The following IL15RA variants were observed in gnomAD, a reference collection of about 807,000 sequenced individuals.
The protein encoded by IL15RA is interleukin 15 receptor subunit alpha, also known as interleukin-15 receptor subunit alpha.
Under a neutral mutation model 24.2 loss-of-function variants are expected in IL15RA, and 26 were observed. The ratio of observed to expected loss-of-function variants is 1.07; its 90% confidence interval spans 0.79 to 1.49. The LOEUF (loss-of-function observed/expected upper bound fraction) is 1.49, where lower values mean the gene tolerates loss of function less well. Among genes scored for constraint, IL15RA ranks in the 40% most tolerant of loss-of-function variants. The pLI is 0.00. For synonymous variants in IL15RA, 166 were observed against 157.6 expected (o/e 1.05, Z -0.40); for missense variants, 354 against 356.4 (o/e 0.99, Z 0.05).
chr10:5,974,336 A>G (rs1838076812), intron 1 of IL15RA, among the ~76,000 whole-genome samples: 1 of 152,184 alleles, frequency 6.6e-6, no homozygotes, highest in South Asian at 2.1e-4. Context: ...AAAAAAATAT[A>G]AACAGATACT....
chr10:5,956,353 C>G (rs1834517167), intron 6 of IL15RA, 26 bp downstream of exon 6: 1 of 1,576,758 alleles, frequency 6.3e-7, no homozygotes, highest in East Asian at 2.2e-5. Context: ...CTAACTCTTG[C>G]AGAGGGAGTA....
chr10:5,966,021 C>T lies in IL15RA; in HGVS notation c.283+124G>A. 3.2e-6 allele frequency: 2 copies of T among 631,876 alleles called. No homozygotes were observed. The highest frequency in any genetic ancestry group is 2.8e-5 in the East Asian group (1 of 35,740). 39.1% of individuals were successfully genotyped at this position (631,876 alleles called of 1,614,324 possible). On this transcript the variant is annotated intron_variant, in intron 2 of 6. Transcript: ENST00000379977. This position sits in a 1 kb window ranked among gnomAD's most constrained non-coding sequence, Gnocchi z 6.4. ...CAGGTGTGAGCCACCGTGCCCGGCC[C>T]CCACTGGTGTGTTTAGCCTCAGACC...
intron 1 of IL15RA, among the ~76,000 whole-genome samples, chr10:5,972,446 G>A (rs545268150): frequency 4.6e-5 from 7 of 152,290 alleles, no homozygotes; most frequent in African/African-American, 1.7e-4. Context: ...AAGTGTTTGT[G>A]AGTTGGACAA....
Position 5,971,876 on chromosome 10 carries a change from G to A in IL15RA, c.88+5529C>T, listed in dbSNP as rs945435358. Among the ~76,000 whole-genome samples the A allele has an allele frequency of 6.6e-6, 1 of 152,194 alleles. No individual in the cohort carries two copies. Among genetic ancestry groups the A allele is most frequent in the African/African-American group, 2.4e-5 (1 of 41,446 alleles). On this transcript the variant is annotated intron_variant, in intron 1 of 6. Coordinates refer to ENST00000379977, the MANE Select transcript of IL15RA (RefSeq NM_002189.4). This position sits in a 1 kb window ranked among gnomAD's most constrained non-coding sequence, Gnocchi z 5.5. ...GAGCTTCCTGACCCACCTCTTGTGT[G>A]CCAGGTGAATTTCTCCATAACTCGA...
chr10:5,959,858 T>C lies in IL15RA; in HGVS notation c.584-72A>G. ...TAGTTCCTCATGAAGCAGGAGAAAA[T>C]CTGCATGGCTTGGCTCCCATCTTAG... On this transcript the variant is annotated intron_variant, in intron 4 of 6. Transcript: ENST00000379977. The surrounding 1 kb of genome is among the most constrained non-coding windows in gnomAD (Gnocchi z 4.1). 2.0e-6 allele frequency: 3 copies of C among 1,463,658 alleles called. No individual in the cohort carries two copies. Among genetic ancestry groups the C allele is most frequent in the Non-Finnish European group, 2.9e-6 (3 of 1,048,160 alleles). 90.7% of individuals were successfully genotyped at this position (1,463,658 alleles called of 1,614,324 possible). A position where few individuals can be genotyped will look rare whatever the true frequency, so the allele number is the denominator to read the frequency against.
chr10:5,959,671 GC>G lies in IL15RA; in HGVS notation c.616+82del. ...CTGCTGTCAGGGCTGTGCTGGGGCA[GC>G]GGGCCTGGGCCAGGACCACCCAGCA... is the stretch of plus-strand genomic sequence containing the variant. On this transcript the variant is annotated intron_variant, in intron 5 of 6. Transcript: ENST00000379977. The surrounding 1 kb of genome is among the most constrained non-coding windows in gnomAD (Gnocchi z 4.1). 4.9e-6 allele frequency: 6 copies of G among 1,226,386 alleles called. No homozygotes were observed. Among genetic ancestry groups the G allele is most frequent in the Non-Finnish European group, 7.2e-6 (6 of 831,096 alleles). The allele number at this position is 1,226,386 out of a possible 1,614,324, so 76.0% of individuals were successfully genotyped here.
At position 5,970,427 on chromosome 10, in the gene IL15RA, T is replaced by C. The variant is rs8177775; in HGVS notation, c.89-4088A>G. The stretch of plus-strand genomic sequence containing the variant: ...AGGATTTTAAAAGGCATTTGCACTA[T>C]ATTATTTATCATTTCTGGGTGTTTT... On this transcript the variant is annotated intron_variant, in intron 1 of 6. Coordinates refer to ENST00000379977, the MANE Select transcript of IL15RA (RefSeq NM_002189.4). This position sits in a 1 kb window ranked among gnomAD's most constrained non-coding sequence, Gnocchi z 4.1. Among the ~76,000 whole-genome samples the C allele has an allele frequency of 0.038, 5,780 of 152,346 alleles. 117 individuals carry two copies. The highest frequency in any genetic ancestry group is 0.061 in the Middle Eastern group (18 of 294).
chr10:5,967,163 C>T lies in IL15RA; in HGVS notation c.89-824G>A, dbSNP rs7910212. 0.79 allele frequency among the ~76,000 whole-genome samples: 120,188 copies of T among 151,822 alleles called. 48,215 individuals carry two copies. Among genetic ancestry groups the T allele is most frequent in the Middle Eastern group, 0.9 (264 of 294 alleles). ...GTTAGCTTGGCAGTACTTGCAAGAT[C>T]GGGCCTTGCCTTGTCTTGCCTTGCC... On this transcript the variant is annotated intron_variant, in intron 1 of 6. Transcript: ENST00000379977. This position sits in a 1 kb window ranked among gnomAD's most constrained non-coding sequence, Gnocchi z 4.4.
rs945635106 is a variant in IL15RA, at chr10:5,965,930, G to A, written c.283+215C>T. Reference sequence around the variant, plus strand: ...GAAACGGGGTTTCACCATGTTGGCCGGGCTGATCTGGAACTCCTGACTTCA... The same window carrying A: ...GAAACGGGGTTTCACCATGTTGGCCAGGCTGATCTGGAACTCCTGACTTCA... On this transcript the variant is annotated intron_variant, in intron 2 of 6. Transcript: ENST00000379977. This position sits in a 1 kb window ranked among gnomAD's most constrained non-coding sequence, Gnocchi z 5.8. Among the ~76,000 whole-genome samples, 9 of 151,972 alleles carry A rather than the reference G, an allele frequency of 5.9e-5. No homozygotes were observed. Among genetic ancestry groups the A allele is most frequent in the Admixed American group, 3.9e-4 (6 of 15,234 alleles).
In IL15RA at chr10:5,968,624, G is replaced by A. The variant is rs1837022763; in HGVS notation, c.89-2285C>T. Reference sequence around the variant, plus strand: ...GAGCCCCACTGGCTTTGAGGCCTCTGGTGCTATCTGGTGCTGGAGTGTCAG... The same window carrying A: ...GAGCCCCACTGGCTTTGAGGCCTCTAGTGCTATCTGGTGCTGGAGTGTCAG... On this transcript the variant is annotated intron_variant, in intron 1 of 6. Coordinates refer to ENST00000379977, the MANE Select transcript of IL15RA (RefSeq NM_002189.4). This position sits in a 1 kb window ranked among gnomAD's most constrained non-coding sequence, Gnocchi z 5.4. 2 of 605,924 alleles carry A rather than the reference G, an allele frequency of 3.3e-6. No individual in the cohort carries two copies. The highest frequency in any genetic ancestry group is 3.0e-6 in the Non-Finnish European group (1 of 338,250). 37.5% of individuals were successfully genotyped at this position (605,924 alleles called of 1,614,324 possible). A position where few individuals can be genotyped will look rare whatever the true frequency, so the allele number is the denominator to read the frequency against.
chr10:5,968,361 G>A lies in IL15RA; in HGVS notation c.89-2022C>T, dbSNP rs559187697. Among the ~76,000 whole-genome samples, 1 of 152,134 alleles carries A rather than the reference G, an allele frequency of 6.6e-6. No individual in the cohort carries two copies. The highest frequency in any genetic ancestry group is 1.9e-4 in the East Asian group (1 of 5,162). On this transcript the variant is annotated intron_variant, in intron 1 of 6. Coordinates refer to ENST00000379977, the MANE Select transcript of IL15RA (RefSeq NM_002189.4). The surrounding 1 kb of genome is among the most constrained non-coding windows in gnomAD (Gnocchi z 5.4). ...AGGCTGGGGGCAGGGTGGGAGGGGA[G>A]AAATCTCAAATTCAAGATTGTTCTT... is the stretch of plus-strand genomic sequence containing the variant.
In IL15RA at chr10:5,975,355, T is replaced by C. The variant is rs1188875751; in HGVS notation, c.88+2050A>G. ...ACAAGAAAGAGTTCCTACCGTGTAA[T>C]TCTATTTATAAAAAATTTTAGAAAG... On this transcript the variant is annotated intron_variant, in intron 1 of 6. Transcript: ENST00000379977. The surrounding 1 kb of genome is among the most constrained non-coding windows in gnomAD (Gnocchi z 4.8). Among the ~76,000 whole-genome samples, 2 of 152,160 alleles carry C rather than the reference T, an allele frequency of 1.3e-5. No homozygotes were observed. The highest frequency in any genetic ancestry group is 2.9e-5 in the Non-Finnish European group (2 of 68,046).
rs41294185 is a variant in IL15RA, at chr10:5,968,235, C to T, written c.89-1896G>A. 4.6e-5 allele frequency among the ~76,000 whole-genome samples: 7 copies of T among 151,968 alleles called. No individual in the cohort carries two copies. Among genetic ancestry groups the T allele is most frequent in the African/African-American group, 7.2e-5 (3 of 41,490 alleles). ...CACAGTGGGTGAGTCACAAGAGAGC[C>T]ATCACCTAAGTCCACACAAAAACAT... On this transcript the variant is annotated intron_variant, in intron 1 of 6. Transcript: ENST00000379977. The surrounding 1 kb of genome is among the most constrained non-coding windows in gnomAD (Gnocchi z 5.4).
In IL15RA at chr10:5,968,580, G is replaced by A. The variant is rs910699680; in HGVS notation, c.89-2241C>T. The A allele has an allele frequency of 1.0e-5, 6 of 580,666 alleles. No individual in the cohort carries two copies. The African/African-American group carries it at 1.1e-4, about 11-fold the overall frequency. The allele number at this position is 580,666 out of a possible 1,614,324, so 36.0% of individuals were successfully genotyped here. On this transcript the variant is annotated intron_variant, in intron 1 of 6. Transcript: ENST00000379977. The surrounding 1 kb of genome is among the most constrained non-coding windows in gnomAD (Gnocchi z 5.4). ...TGTTGAGGTGGATTTGGATGCTGCT[G>A]TTGCTATGGTTACCTGCAGAGCCCC... is the stretch of plus-strand genomic sequence containing the variant.
rs1230936473 is a variant in IL15RA, at chr10:5,963,209, C to T, written c.382+534G>A. ...GCAGAGAGCAGGTGTGATTACTGCC[C>T]ATGACAAAACGCTTGGGTCTCGGAA... On this transcript the variant is annotated intron_variant, in intron 3 of 6. Coordinates refer to ENST00000379977, the MANE Select transcript of IL15RA (RefSeq NM_002189.4). The surrounding 1 kb of genome is among the most constrained non-coding windows in gnomAD (Gnocchi z 5.3). 2.0e-5 allele frequency among the ~76,000 whole-genome samples: 3 copies of T among 152,224 alleles called. No individual in the cohort carries two copies. Among genetic ancestry groups the T allele is most frequent in the Non-Finnish European group, 4.4e-5 (3 of 68,044 alleles).
chr10:5,968,914 G>C lies in IL15RA; in HGVS notation c.89-2575C>G. The C allele has an allele frequency of 6.6e-7, 1 of 1,508,284 alleles. No homozygotes were observed. 93.4% of individuals were successfully genotyped at this position (1,508,284 alleles called of 1,614,324 possible). ...CTGCTCCTTCCCGCCAGGACAGCCA[G>C]CCTGTCTCTTGCATCTGTAACAGGT... On this transcript the variant is annotated intron_variant, in intron 1 of 6. Coordinates refer to ENST00000379977, the MANE Select transcript of IL15RA (RefSeq NM_002189.4). The surrounding 1 kb of genome is among the most constrained non-coding windows in gnomAD (Gnocchi z 5.4).
In IL15RA at chr10:5,955,743, C is replaced by A. The variant is rs1834428294; in HGVS notation, c.692+636G>T. 1.3e-5 allele frequency among the ~76,000 whole-genome samples: 2 copies of A among 152,298 alleles called. No homozygotes were observed. Among genetic ancestry groups the A allele is most frequent in the South Asian group, 4.1e-4 (2 of 4,822 alleles). On this transcript the variant is annotated intron_variant, in intron 6 of 6. Transcript: ENST00000379977. The surrounding 1 kb of genome is among the most constrained non-coding windows in gnomAD (Gnocchi z 5.3). ...ATCAGTATATTTATAAGAAGGCATA[C>A]CCCTATTCAATGAGGACTTTCAAGA...
chr10:5,960,429 G>T lies in IL15RA; in HGVS notation c.521C>A (p.Thr174Asn). ...EISSHESSHG[T>N]PSQTTAKNWE... ...GTTCTTGGCTGTTGTCTGAGAGGGGGTGCCGTGGGAGGACTCATGACTGCT... is the reference window on the plus strand; with the variant it reads ...GTTCTTGGCTGTTGTCTGAGAGGGGTTGCCGTGGGAGGACTCATGACTGCT... The change falls in exon 4 of 7, where the codon ACC becomes AAC. Residue 174 changes from threonine to asparagine, a missense_variant. Coordinates refer to ENST00000379977, the MANE Select transcript of IL15RA (RefSeq NM_002189.4). The surrounding 1 kb of genome is among the most constrained non-coding windows in gnomAD (Gnocchi z 5.1). 4 of 1,614,148 alleles carry T rather than the reference G, an allele frequency of 2.5e-6. No individual in the cohort carries two copies. Among genetic ancestry groups the T allele is most frequent in the Non-Finnish European group, 3.4e-6 (4 of 1,180,000 alleles).
chr10:5,954,808 T>A (rs886675778), intron 6 of IL15RA, among the ~76,000 whole-genome samples: 9 of 152,238 alleles, frequency 5.9e-5, no homozygotes, highest in South Asian at 2.1e-4. Context: ...CATTTTATAT[T>A]GGAAATTCTG....
Sources: allele counts gnomAD v4.1 joint callset (sites outside exome capture counted in the v4.1 genomes callset), GRCh38; gene constraint gnomAD v4.1.1; non-coding constraint Gnocchi (gnomAD v3.1); transcripts MANE v1.5; gene names NCBI Gene and HGNC (gene_info 2026-07-23, HGNC 2026-07-21).